The following EIF4G3 variants were observed in gnomAD, a reference collection of about 807,000 sequenced individuals.
EIF4G3 encodes eIF-4-gamma 3.
Under a neutral mutation model 186.4 loss-of-function variants are expected in EIF4G3, and 34 were observed. That is an observed-to-expected ratio of 0.18 (90% confidence interval 0.14 to 0.24). EIF4G3 has a LOEUF of 0.24. EIF4G3 is among the 10% of genes least tolerant of loss of function. EIF4G3 has a pLI of 1.00. For synonymous variants in EIF4G3, 673 were observed against 679.5 expected (o/e 0.99, Z 0.15); for missense variants, 1,536 against 1,948.5 (o/e 0.79, Z 3.99).
In EIF4G3 at chr1:21,055,876, T is replaced by C. The variant is rs151064114; in HGVS notation, c.-195-4882A>G. Among the ~76,000 whole-genome samples the C allele has an allele frequency of 9.2e-3, 1,394 of 152,256 alleles. 80 individuals carry two copies. Among genetic ancestry groups the C allele is most frequent in the Admixed American group, 0.087 (1,333 of 15,286 alleles). ...TACATCTGCAGAGTTGTAAAGACTG[T>C]AAGCTATGTTTCTTACAGAACTGTA... On this transcript the variant is annotated intron_variant, in intron 3 of 36. Coordinates refer to ENST00000602326, the MANE Select transcript of EIF4G3 (RefSeq NM_001391906.1).
intron 8 of EIF4G3, among the ~76,000 whole-genome samples, chr1:20,981,695 C>T (rs35416746): frequency 2.4e-5 from 3 of 123,458 alleles, no homozygotes; most frequent in Non-Finnish European, 3.6e-5. Flanking sequence ...TACATGTATA[C>T]GCACATACTG....
intron 13 of EIF4G3, among the ~76,000 whole-genome samples, chr1:20,944,799 C>G (rs1439992338): frequency 6.6e-6 from 1 of 151,636 alleles, no homozygotes; most frequent in African/African-American, 2.4e-5. Flanking sequence ...CTTTGGGAGG[C>G]CAAGGGGGAG....
intron 2 of EIF4G3, among the ~76,000 whole-genome samples, chr1:21,118,816 G>A (rs1572836800): frequency 6.7e-6 from 1 of 148,866 alleles, no homozygotes; most frequent in South Asian, 2.1e-4. Context: ...CAGAAATGCT[G>A]AGAGCTGGGC....
At position 20,920,426 on chromosome 1, in the gene EIF4G3, GCAA is replaced by G. The variant is rs2094396039; in HGVS notation, c.1664-15458_1664-15456del. Among the ~76,000 whole-genome samples the G allele has an allele frequency of 2.0e-5, 3 of 152,150 alleles. No homozygotes were observed. The South Asian group carries it at 6.2e-4, about 32-fold the overall frequency. The stretch of plus-strand genomic sequence containing the variant: ...TATGGCACAAAAGTAAGTAGAAAGG[GCAA>G]CAACTAAAACTGAAAATTATTATCA... On this transcript the variant is annotated intron_variant, in intron 14 of 36. Transcript: ENST00000602326.
At chr1:21,155,646 A>C (rs1469056926) in intron 2 of EIF4G3, among the ~76,000 whole-genome samples, 1 of 152,170 alleles carries the variant, frequency 6.6e-6, no homozygotes, top group African/African-American at 2.4e-5. Context: ...GCAGTGAGCT[A>C]TGACAGCGCC....
chr1:21,094,072 G>A (rs2096282280), intron 2 of EIF4G3, among the ~76,000 whole-genome samples: 1 of 151,674 alleles, frequency 6.6e-6, no homozygotes, highest in African/African-American at 2.4e-5. Context: ...TGCACGTTGT[G>A]CACATGTACC....
In EIF4G3 at chr1:20,886,300, A is replaced by G. The variant is rs750506567; in HGVS notation, c.2325T>C (p.Ser775=). The G allele has an allele frequency of 2.5e-6, 4 of 1,614,056 alleles. No homozygotes were observed. Among genetic ancestry groups the G allele is most frequent in the South Asian group, 2.2e-5 (2 of 91,076 alleles). Residue 775 remains serine, a synonymous_variant, in exon 19 of 37, where the codon TCT becomes TCC. Transcript: ENST00000602326. ...TTTTCAGGTGTACATCTTCTTTTAC[A>G]GAAACTGTGATGATCTTTCTGGGTT... The part of the protein sequence containing the change: ...RREPRKIITV[S]VKEDVHLKKA...
chr1:20,990,405 T>C (rs1461738025), intron 7 of EIF4G3, among the ~76,000 whole-genome samples: 1 of 152,156 alleles, frequency 6.6e-6, no homozygotes, highest in Non-Finnish European at 1.5e-5. Context: ...CCGGGTGCGG[T>C]GGCACACACC....
chr1:21,089,261 T>C, intron 2 of EIF4G3, 48 bp from the exon 3 acceptor site: 1 of 709,230 alleles, frequency 1.4e-6, no homozygotes, highest in South Asian at 1.5e-5. Context: ...GGATGCTTAA[T>C]AGTTAGAGAA....
chr1:20,820,302 T>C (rs187576331), intron 33 of EIF4G3, among the ~76,000 whole-genome samples: 2,605 of 152,148 alleles, frequency 0.017, 41 homozygotes, highest in Non-Finnish European at 0.026. Context: ...CTCTTCTGAG[T>C]TGGTGGGGTG....
chr1:21,061,728 T>C (rs2094924128), intron 3 of EIF4G3, among the ~76,000 whole-genome samples: 1 of 151,744 alleles, frequency 6.6e-6, no homozygotes, highest in African/African-American at 2.4e-5. Flanking sequence ...CAATATGGTT[T>C]ATTTCTCTGC....
intron 34 of EIF4G3, among the ~76,000 whole-genome samples, chr1:20,816,394 G>A (rs1376212503): frequency 8.3e-6 from 1 of 119,928 alleles, no homozygotes; most frequent in Non-Finnish European, 1.8e-5. Flanking sequence ...CGCCCGGCCG[G>A]CCGCCCCGTC....
intron 2 of EIF4G3, among the ~76,000 whole-genome samples, chr1:21,118,782 T>C (rs1446866553): frequency 7.6e-6 from 1 of 131,476 alleles, no homozygotes; most frequent in Non-Finnish European, 1.6e-5. Flanking sequence ...CGAGACTACA[T>C]CTCAAAAAAA....
intron 14 of EIF4G3, among the ~76,000 whole-genome samples, chr1:20,933,902 AGTTTAGAGGAGGAGTTGGGACAGAGAT>A (rs2095427865): frequency 6.6e-6 from 1 of 152,194 alleles, no homozygotes; most frequent in African/African-American, 2.4e-5. Context: ...TTAAGATTGA[AGTTTAGAGGAGGAGTTGGGACAGAGAT>A]AAAAATTTGG....
At chr1:21,014,795 G>A (rs1003607508) in intron 4 of EIF4G3, among the ~76,000 whole-genome samples, 1 of 151,802 alleles carries the variant, frequency 6.6e-6, no homozygotes, top group African/African-American at 2.4e-5. Context: ...TACCACACCC[G>A]GCTAGTTTTA....
intron 12 of EIF4G3, among the ~76,000 whole-genome samples, chr1:20,954,441 C>G (rs1426104495): frequency 3.5e-5 from 5 of 142,160 alleles, no homozygotes; most frequent in African/African-American, 1.3e-4. Context: ...GAGGCTGAGG[C>G]AGGAGAATTG....
chr1:20,863,416 C>T (rs1442823918), intron 22 of EIF4G3, among the ~76,000 whole-genome samples: 1 of 126,076 alleles, frequency 7.9e-6, no homozygotes, highest in Non-Finnish European at 1.6e-5. Context: ...GGTGACAGGG[C>T]AAGACCCTGT....
chr1:20,813,267 A>G, intron 34 of EIF4G3, 28 bp from the exon 35 acceptor site: 1 of 1,565,248 alleles, frequency 6.4e-7, no homozygotes, highest in Non-Finnish European at 8.8e-7. Context: ...TAAAACAATT[A>G]AAGATACCTT....
chr1:20,923,974 C>G (rs1291804681), intron 14 of EIF4G3, among the ~76,000 whole-genome samples: 1 of 152,094 alleles, frequency 6.6e-6, no homozygotes, highest in Non-Finnish European at 1.5e-5. Context: ...TGAAATCAAT[C>G]TATTAACCAA....
Sources: allele counts gnomAD v4.1 joint callset (sites outside exome capture counted in the v4.1 genomes callset), GRCh38; gene constraint gnomAD v4.1.1; transcripts MANE v1.5; gene names NCBI Gene and HGNC (gene_info 2026-07-23, HGNC 2026-07-21).